KLB: variants seen among roughly 807,000 people sequenced by gnomAD.
The protein encoded by KLB is klotho beta.
Under a neutral mutation model 88.4 loss-of-function variants are expected in KLB, and 44 were observed. That is an observed-to-expected ratio of 0.50 (90% confidence interval 0.39 to 0.64). The LOEUF is 0.64. KLB is among the 30% of genes least tolerant of loss of function. The probability of loss-of-function intolerance (pLI) is 0.00; values close to 1 mark genes in which losing one functional copy is unlikely to be tolerated. For synonymous variants in KLB, 548 were observed against 513.4 expected (o/e 1.07, Z -0.91); for missense variants, 1,137 against 1,304.8 (o/e 0.87, Z 1.98).
chr4:39,436,345 C>A (rs1334837136), intron 2 of KLB, among the ~76,000 whole-genome samples: 3 of 152,174 alleles, frequency 2.0e-5, no homozygotes, highest in Non-Finnish European at 4.4e-5. Context: ...CGAGCCACGC[C>A]CAGCTACGGG....
Position 39,446,862 on chromosome 4 carries a change from G to A in KLB, c.2136G>A (p.Ala712=), listed in dbSNP as rs1743759168. Residue 712 remains alanine, a synonymous_variant, in exon 4 of 5, where the codon GCG becomes GCA. Coordinates refer to ENST00000257408, the MANE Select transcript of KLB (RefSeq NM_175737.4). This position sits in a 1 kb window ranked among gnomAD's most constrained non-coding sequence, Gnocchi z 6.4. ...NRSGNDTYGA[A]HNLLVAHALA... is the part of the protein sequence containing the mutation. ...CTGGCAACGACACCTACGGGGCGGC[G>A]CACAACCTGCTGGTGGCCCACGCCC... The A allele has an allele frequency of 1.2e-6, 2 of 1,610,288 alleles. No homozygotes were observed. Among genetic ancestry groups the A allele is most frequent in the Non-Finnish European group, 8.5e-7 (1 of 1,179,914 alleles).
chr4:39,422,091 G>A (rs1743100715), intron 1 of KLB, among the ~76,000 whole-genome samples: 1 of 152,174 alleles, frequency 6.6e-6, no homozygotes, highest in South Asian at 2.1e-4. Flanking sequence ...CTGTCCCTTG[G>A]TTTTGTGTCA....
At chr4:39,443,833 C>T (rs1743674106) in intron 3 of KLB, among the ~76,000 whole-genome samples, 1 of 151,036 alleles carries the variant, frequency 6.6e-6, no homozygotes, top group Non-Finnish European at 1.5e-5. Context: ...TCCTATTCCT[C>T]AACAACATTT....
intron 1 of KLB, among the ~76,000 whole-genome samples, chr4:39,431,107 T>G (rs1044218793): frequency 6.6e-6 from 1 of 150,460 alleles, no homozygotes; most frequent in Non-Finnish European, 1.5e-5. Context: ...TTTTTTTTTT[T>G]TTTGTAGATA....
intron 1 of KLB, among the ~76,000 whole-genome samples, chr4:39,422,974 C>T (rs1743122408): frequency 2.0e-5 from 3 of 151,702 alleles, no homozygotes; most frequent in Admixed American, 2.0e-4. Context: ...ACCATGTTGG[C>T]CAGGCTGGTC....
chr4:39,416,899 G>C (rs1327503563), intron 1 of KLB, among the ~76,000 whole-genome samples: 1 of 152,086 alleles, frequency 6.6e-6, no homozygotes, highest in Non-Finnish European at 1.5e-5. Context: ...CATGAAGAAG[G>C]CTGCAGTGTT....
At position 39,407,328 on chromosome 4, in the gene KLB, T is replaced by C. The variant is rs1458424295; in HGVS notation, c.379T>C (p.Ser127Pro). The part of the protein sequence containing the change: ...HLKNVSSTNG[S>P]SDSYIFLEKD... Reference sequence around the variant, plus strand: ...TAAAAATGTCAGCAGCACGAATGGTTCCAGTGACAGTTATATTTTTCTGGA... The same window carrying C: ...TAAAAATGTCAGCAGCACGAATGGTCCCAGTGACAGTTATATTTTTCTGGA... The change falls in exon 1 of 5, where the codon TCC (serine) becomes CCC (proline). Residue 127 changes from serine to proline, a missense_variant. Around this residue, in one of 4 missense-constraint regions of KLB, gnomAD observed 597 missense variants for 765.2 expected, o/e 0.78. Transcript: ENST00000257408. 6.2e-7 allele frequency: 1 copy of C among 1,614,064 alleles called. No homozygotes were observed. Among genetic ancestry groups the C allele is most frequent in the Non-Finnish European group, 8.5e-7 (1 of 1,180,024 alleles).
In KLB at chr4:39,448,772, G is replaced by C. The variant is rs1006175291; in HGVS notation, c.*86G>C. 11 of 1,290,866 alleles carry C rather than the reference G, an allele frequency of 8.5e-6. No individual in the cohort carries two copies. The African/African-American group carries it at 1.5e-4, about 17-fold the overall frequency. 80.0% of individuals were successfully genotyped at this position (1,290,866 alleles called of 1,614,324 possible). On this transcript the variant is annotated 3_prime_UTR_variant, in exon 5 of 5. Transcript: ENST00000257408. ...TTACAGGAGATATACCTGTATTATA[G>C]AAAGACAATCTGAGATACAGCTGTA... is the stretch of plus-strand genomic sequence containing the variant.
intron 1 of KLB, among the ~76,000 whole-genome samples, chr4:39,418,533 C>T (rs1578202882): frequency 6.6e-6 from 1 of 151,854 alleles, no homozygotes; most frequent in Non-Finnish European, 1.5e-5. Context: ...GCACTGTGCC[C>T]GGCCATATCA....
chr4:39,437,020 C>T (rs1431570650), intron 2 of KLB, among the ~76,000 whole-genome samples: 1 of 152,142 alleles, frequency 6.6e-6, no homozygotes, highest in Non-Finnish European at 1.5e-5. Context: ...TGTTGATTTT[C>T]ATATTTCATT....
intron 1 of KLB, among the ~76,000 whole-genome samples, chr4:39,411,661 A>G (rs552208758): frequency 6.9e-4 from 104 of 151,622 alleles, no homozygotes; most frequent in Non-Finnish European, 1.3e-3. Flanking sequence ...CTGGGATTAC[A>G]GGTGTGAGCC....
chr4:39,445,888 C>T (rs914286791), intron 3 of KLB, among the ~76,000 whole-genome samples: 1 of 152,018 alleles, frequency 6.6e-6, no homozygotes, highest in Non-Finnish European at 1.5e-5. Flanking sequence ...CCTACCCCAC[C>T]GCACCAGCCT....
chr4:39,417,805 C>T (rs955701170), intron 1 of KLB, among the ~76,000 whole-genome samples: 5 of 152,144 alleles, frequency 3.3e-5, no homozygotes, highest in Non-Finnish European at 5.9e-5. Flanking sequence ...CACTCATCAG[C>T]TTTGCCAGGT....
intron 1 of KLB, among the ~76,000 whole-genome samples, chr4:39,422,832 G>C (rs1213582572): frequency 6.6e-6 from 1 of 151,678 alleles, no homozygotes; most frequent in East Asian, 1.9e-4. Context: ...TGTTATCTTG[G>C]TTCACTGCAG....
chr4:39,432,117 C>T (rs1342444591), intron 1 of KLB, among the ~76,000 whole-genome samples: 4 of 151,948 alleles, frequency 2.6e-5, no homozygotes, highest in Non-Finnish European at 5.9e-5. Flanking sequence ...TGGAGCCCCA[C>T]CTCTACTAAA....
intron 1 of KLB, among the ~76,000 whole-genome samples, chr4:39,410,372 T>TG (rs1374486874): frequency 1.4e-4 from 22 of 152,252 alleles, no homozygotes; most frequent in African/African-American, 5.3e-4. Context: ...AGATAAATTT[T>TG]ATTATTTTAA....
At chr4:39,448,119 CAT>C (rs930461203) in intron 4 of KLB, among the ~76,000 whole-genome samples, 180 bp from the exon 5 acceptor site, 44 of 152,258 alleles carry the variant, frequency 2.9e-4, no homozygotes, top group African/African-American at 9.9e-4. Flanking sequence ...TTAAATTATA[CAT>C]ATTTTCACCT....
intron 1 of KLB, among the ~76,000 whole-genome samples, chr4:39,417,301 G>GT (rs1742985833): frequency 1.3e-5 from 2 of 150,196 alleles, no homozygotes; most frequent in African/African-American, 4.9e-5. Flanking sequence ...CAAAAAAGTG[G>GT]TTTTTTGTTT....
intron 1 of KLB, among the ~76,000 whole-genome samples, chr4:39,410,627 A>G (rs1298083584): frequency 6.6e-6 from 1 of 152,190 alleles, no homozygotes; most frequent in Non-Finnish European, 1.5e-5. Context: ...AGAAAACATT[A>G]ATTTGATATT....
Sources: allele counts gnomAD v4.1 joint callset (sites outside exome capture counted in the v4.1 genomes callset), GRCh38; gene constraint gnomAD v4.1.1; regional missense constraint gnomAD v4.1.1; non-coding constraint Gnocchi (gnomAD v3.1); transcripts MANE v1.5; gene names NCBI Gene and HGNC (gene_info 2026-07-23, HGNC 2026-07-21).